The following SNTG1 variants were observed in gnomAD, a reference collection of about 807,000 sequenced individuals.
SNTG1 encodes syntrophin gamma 1, also known as gamma-1-syntrophin.
SNTG1 carries 39 observed loss-of-function variants against 74.7 expected under a neutral mutation model. The observed-to-expected ratio is 0.52, with a 90% CI of 0.40 to 0.68. The LOEUF is 0.68. Among genes scored for constraint, SNTG1 ranks in the 30% least tolerant of loss-of-function variants. The probability of loss-of-function intolerance (pLI) is 0.00; values close to 1 mark genes in which losing one functional copy is unlikely to be tolerated. For missense variants in SNTG1, 685 were observed against 609.5 expected, an observed-to-expected ratio of 1.12 and a Z score of -1.30; for synonymous variants, 254 against 217.1, an observed-to-expected ratio of 1.17 and a Z score of -1.49.
intron 1 of SNTG1, among the ~76,000 whole-genome samples, chr8:49,970,717 G>A (rs1585711562): frequency 1.3e-5 from 2 of 152,308 alleles, no homozygotes; most frequent in African/African-American, 2.4e-5. Flanking sequence ...CCTAAATTCT[G>A]CAGCTAGTGA....
At chr8:50,509,562 TC>T (rs1185578577) in intron 9 of SNTG1, among the ~76,000 whole-genome samples, 1 of 152,170 alleles carries the variant, frequency 6.6e-6, no homozygotes, top group Non-Finnish European at 1.5e-5. Context: ...GGAATGTTCT[TC>T]CATTTGTTTG....
intron 2 of SNTG1, among the ~76,000 whole-genome samples, chr8:50,237,371 T>TATCA (rs2085961923): frequency 6.6e-6 from 1 of 152,198 alleles, no homozygotes; most frequent in Admixed American, 6.5e-5. Flanking sequence ...CATGTACATC[T>TATCA]ATCAGATGCC....
chr8:50,013,597 A>G (rs927747791), intron 1 of SNTG1, among the ~76,000 whole-genome samples: 1 of 152,036 alleles, frequency 6.6e-6, no homozygotes, highest in African/African-American at 2.4e-5. Context: ...AGGAAAAAGT[A>G]CTGTGTTTAA....
intron 18 of SNTG1, among the ~76,000 whole-genome samples, chr8:50,770,830 G>A (rs967412066): frequency 5.3e-5 from 8 of 151,956 alleles, no homozygotes; most frequent in African/African-American, 1.7e-4. Context: ...GGCTTCACAG[G>A]TTTGTCTCTC....
Position 50,510,305 on chromosome 8 carries a change from G to A in SNTG1, c.466+7425G>A, listed in dbSNP as rs184988253. 2.6e-5 allele frequency among the ~76,000 whole-genome samples: 4 copies of A among 152,276 alleles called. No homozygotes were observed. In the East Asian group the frequency reaches 5.8e-4, roughly 22 times the overall value. On this transcript the variant is annotated intron_variant, in intron 9 of 18. Coordinates refer to ENST00000642720, the MANE Select transcript of SNTG1 (RefSeq NM_018967.5). ...GGATAAGCTTTTTGATGTGCTGCTG[G>A]ATTTGGTTTGCCAGTATTTTATTGA...
chr8:50,306,465 A>G (rs1222606911), intron 2 of SNTG1, among the ~76,000 whole-genome samples: 4 of 152,040 alleles, frequency 2.6e-5, no homozygotes, highest in Non-Finnish European at 5.9e-5. Flanking sequence ...TATTTAAATA[A>G]TTTCCATACT....
intron 2 of SNTG1, among the ~76,000 whole-genome samples, chr8:50,338,960 G>C (rs11988748): frequency 0.065 from 9,939 of 151,940 alleles, 353 homozygotes; most frequent in African/African-American, 0.072. Flanking sequence ...AGAATATACA[G>C]AAACTAAAAG....
At chr8:50,091,391 A>T (rs948172303) in intron 1 of SNTG1, among the ~76,000 whole-genome samples, 1 of 152,058 alleles carries the variant, frequency 6.6e-6, no homozygotes, top group Non-Finnish European at 1.5e-5. Context: ...TCTGTACATT[A>T]AGTCTCTAGA....
chr8:50,345,275 G>T lies in SNTG1; in HGVS notation c.-27-48937G>T, dbSNP rs573037760. Among the ~76,000 whole-genome samples the T allele has an allele frequency of 2.6e-5, 4 of 152,320 alleles. 1 individual carries two copies. The South Asian group carries it at 8.3e-4, about 32-fold the overall frequency. ...TCCTGTTCAGTAACAGGGAATGCTGGAGACTCACAGCAATTACTAGCCCAT... is the reference window on the plus strand; with the variant it reads ...TCCTGTTCAGTAACAGGGAATGCTGTAGACTCACAGCAATTACTAGCCCAT... On this transcript the variant is annotated intron_variant, in intron 2 of 18. Transcript: ENST00000642720.
chr8:50,318,460 G>T (rs907045650), intron 2 of SNTG1, among the ~76,000 whole-genome samples: 11 of 152,116 alleles, frequency 7.2e-5, no homozygotes, highest in African/African-American at 2.4e-4. Context: ...ATTTTCTCCA[G>T]GGAAAGAAAG....
chr8:50,314,973 T>G (rs1160917943), intron 2 of SNTG1, among the ~76,000 whole-genome samples: 1 of 149,802 alleles, frequency 6.7e-6, no homozygotes, highest in South Asian at 2.2e-4. Flanking sequence ...GTTCTAACTA[T>G]AGTGTTTTGA....
At position 50,588,431 on chromosome 8, in the gene SNTG1, C is replaced by T. The variant is rs1374028582; in HGVS notation, c.811-2448C>T. On this transcript the variant is annotated intron_variant, in intron 12 of 18. Coordinates refer to ENST00000642720, the MANE Select transcript of SNTG1 (RefSeq NM_018967.5). ...TTTCTGTGCTGGACATCCCACTCCC[C>T]ATTTTGGTTACCCGCCTTCCATTCC... Among the ~76,000 whole-genome samples the T allele has an allele frequency of 3.3e-5, 5 of 152,104 alleles. No individual in the cohort carries two copies. The East Asian group carries it at 7.7e-4, about 24-fold the overall frequency.
chr8:50,462,557 T>C (rs974266613), intron 8 of SNTG1, among the ~76,000 whole-genome samples: 1 of 152,186 alleles, frequency 6.6e-6, no homozygotes, highest in Non-Finnish European at 1.5e-5. Flanking sequence ...TAATAGCATT[T>C]TGAACTTCTT....
chr8:50,555,806 A>G (rs1485577203), intron 12 of SNTG1, among the ~76,000 whole-genome samples: 4 of 152,192 alleles, frequency 2.6e-5, no homozygotes, highest in Non-Finnish European at 5.9e-5. Context: ...AAATTATGCT[A>G]TTGAAATAAG....
chr8:50,021,943 A>T (rs934369762), intron 1 of SNTG1, among the ~76,000 whole-genome samples: 1 of 146,672 alleles, frequency 6.8e-6, no homozygotes, highest in Non-Finnish European at 1.5e-5. Flanking sequence ...CCTCTCAAAA[A>T]AAAAATAAAA....
rs559353363 is a variant in SNTG1, at chr8:50,035,516, A to G, written c.-103+123285A>G. Among the ~76,000 whole-genome samples the G allele has an allele frequency of 1.1e-3, 162 of 152,292 alleles. 2 individuals carry two copies. Among genetic ancestry groups the G allele is most frequent in the South Asian group, 0.01 (49 of 4,830 alleles). ...ATGAGCAAAAATGTGAAGATTTTAG[A>G]AACATAGAAGTCAAATATTTTGTGC... On this transcript the variant is annotated intron_variant, in intron 1 of 18. Coordinates refer to ENST00000642720, the MANE Select transcript of SNTG1 (RefSeq NM_018967.5).
chr8:50,735,466 C>T (rs971300309), intron 17 of SNTG1, among the ~76,000 whole-genome samples: 3 of 151,502 alleles, frequency 2.0e-5, no homozygotes, highest in Admixed American at 6.6e-5. Flanking sequence ...ACAAGAACTT[C>T]GTGAAGCATA....
Position 50,792,745 on chromosome 8 carries a change from G to A in SNTG1, c.1470G>A (p.Leu490=). 1 of 1,612,520 alleles carries A rather than the reference G, an allele frequency of 6.2e-7. No homozygotes were observed. Among genetic ancestry groups the A allele is most frequent in the Non-Finnish European group, 8.5e-7 (1 of 1,178,980 alleles). Residue 490 remains leucine, a synonymous_variant, in exon 19 of 19, where the codon TTG becomes TTA. Transcript: ENST00000642720. Reference sequence around the variant, plus strand: ...TCTTTGCTGCCAAGGTAGCTTGTTTGGACCCTCTATTTTTAGGCAATCAAG... The same window carrying A: ...TCTTTGCTGCCAAGGTAGCTTGTTTAGACCCTCTATTTTTAGGCAATCAAG... The part of the protein sequence containing the change: ...HSFFAAKVAC[L]DPLFLGNQAT...
intron 4 of SNTG1, among the ~76,000 whole-genome samples, chr8:50,434,919 G>A (rs1054188969): frequency 6.6e-6 from 1 of 151,960 alleles, no homozygotes; most frequent in Non-Finnish European, 1.5e-5. Flanking sequence ...GTTTCTGCAT[G>A]ATTTCCACTT....
Sources: gnomAD v4.1 joint callset for allele counts (sites outside exome capture counted in the v4.1 genomes callset) on GRCh38, gnomAD v4.1.1 for gene constraint, MANE v1.5 for transcripts, NCBI Gene and HGNC (gene_info 2026-07-23, HGNC 2026-07-21) for gene names.